Variants in ZPR1 observed in about 807,000 individuals in gnomAD.
ZPR1 encodes zinc finger protein ZPR1.
Under a neutral mutation model 59.6 loss-of-function variants are expected in ZPR1, and 37 were observed. The observed-to-expected ratio is 0.62, with a 90% CI of 0.48 to 0.82. The LOEUF (loss-of-function observed/expected upper bound fraction) is 0.82. Ranked by LOEUF, ZPR1 falls within the 40% of genes least tolerant of loss-of-function variation. The pLI is 0.00. For missense variants in ZPR1, 527 were observed against 579.9 expected, an observed-to-expected ratio of 0.91 and a Z score of 0.94; for synonymous variants, 191 against 215.2, an observed-to-expected ratio of 0.89 and a Z score of 0.99.
intron 4 of ZPR1, 34 bp from the exon 5 acceptor site, chr11:116,785,916 G>A: frequency 6.3e-7 from 1 of 1,588,546 alleles, no homozygotes; most frequent in South Asian, 1.1e-5. Flanking sequence ...ATCAGCCCTG[G>A]TGGTGTACCT....
Position 116,784,617 on chromosome 11 carries a change from C to T in ZPR1, c.821-169G>A, listed in dbSNP as rs566063974. The T allele has an allele frequency of 1.2e-5, 10 of 817,938 alleles. No homozygotes were observed. The South Asian group carries it at 1.4e-4, about 12-fold the overall frequency. 50.7% of individuals were successfully genotyped at this position (817,938 alleles called of 1,614,324 possible). On this transcript the variant is annotated intron_variant, in intron 8 of 13. Coordinates refer to ENST00000227322, the MANE Select transcript of ZPR1 (RefSeq NM_003904.5). ...AAGAGGGCAAGTTCCCAACCCATGG[C>T]AATCCCTGTTCACACATTTGAAGGC...
intron 12 of ZPR1, among the ~76,000 whole-genome samples, chr11:116,781,954 G>A (rs1230233781): frequency 6.6e-6 from 1 of 151,796 alleles, no homozygotes; most frequent in Non-Finnish European, 1.5e-5. Flanking sequence ...AGAGGTTGCA[G>A]TGAGCCGAGA....
At position 116,787,535 on chromosome 11, in the gene ZPR1, C is replaced by T; in HGVS notation, c.280G>A (p.Gly94Ser). The T allele has an allele frequency of 6.2e-7, 1 of 1,614,228 alleles. No individual in the cohort carries two copies. The change falls in exon 2 of 14, where the codon GGC (glycine) becomes AGC (serine). Residue 94 changes from glycine (G) to serine (S), a missense_variant. Coordinates refer to ENST00000227322, the MANE Select transcript of ZPR1 (RefSeq NM_003904.5). ...CGCACTCCCTGGTCCTGGATCCTGC[C>T]TGCCGACTGGATCTCCGTGTTGTTC... is the stretch of plus-strand genomic sequence containing the variant. The part of the protein sequence containing the change: ...GWNNTEIQSA[G>S]RIQDQGVRYT...
intron 13 of ZPR1, 34 bp downstream of exon 13, chr11:116,779,738 A>G: frequency 6.8e-7 from 1 of 1,475,848 alleles, no homozygotes; most frequent in South Asian, 1.2e-5. Context: ...CAGAAAATGT[A>G]TCTCTATGAA....
chr11:116,785,402 G>A (rs1012022119), intron 6 of ZPR1, 112 bp downstream of exon 6: 1 of 1,473,914 alleles, frequency 6.8e-7, no homozygotes, highest in African/African-American at 1.4e-5. Flanking sequence ...GCACAAACAA[G>A]CTGAGATAGG....
rs1591310178 is a variant in ZPR1 at position 116,786,709 on chromosome 11, A to G, written c.425-128T>C. 7 of 801,596 alleles carry G rather than the reference A, an allele frequency of 8.7e-6. No individual in the cohort carries two copies. The East Asian group carries it at 1.9e-4, about 21-fold the overall frequency. 49.7% of individuals were successfully genotyped at this position (801,596 alleles called of 1,614,324 possible). On this transcript the variant is annotated intron_variant, in intron 3 of 13. Coordinates refer to ENST00000227322, the MANE Select transcript of ZPR1 (RefSeq NM_003904.5). Reference sequence around the variant, plus strand: ...TCCTCATCTGTAAAATGAGAAGGCCAGGTGCAAGGTTCCATTCATGTCTGA... The same window carrying G: ...TCCTCATCTGTAAAATGAGAAGGCCGGGTGCAAGGTTCCATTCATGTCTGA...
intron 3 of ZPR1, 32 bp from the exon 4 acceptor site, chr11:116,786,613 T>C: frequency 6.3e-7 from 1 of 1,594,250 alleles, no homozygotes; most frequent in Non-Finnish European, 8.6e-7. Context: ...CAAGTGTGAC[T>C]TAGCCTCAGC....
chr11:116,779,859 G>C (rs1223120533), intron 12 of ZPR1, 22 bp from the exon 13 acceptor site: 1 of 1,343,780 alleles, frequency 7.4e-7, no homozygotes, highest in Non-Finnish European at 1.0e-6. Flanking sequence ...AGAGAACACA[G>C]CAAGTAAATT....
At chr11:116,780,883 A>G (rs947654227) in intron 12 of ZPR1, among the ~76,000 whole-genome samples, 1 of 152,254 alleles carries the variant, frequency 6.6e-6, no homozygotes, top group African/African-American at 2.4e-5. Context: ...GGATGCAAGG[A>G]GAATAAAATG....
intron 4 of ZPR1, 91 bp from the exon 5 acceptor site, chr11:116,785,973 AC>A: frequency 9.0e-7 from 1 of 1,105,080 alleles, no homozygotes; most frequent in Non-Finnish European, 1.4e-6. Flanking sequence ...TTAGGAAGTC[AC>A]CACCTATCTC....
Position 116,785,518 on chromosome 11 carries a change from A to T in ZPR1, c.701T>A (p.Leu234His). 2 of 1,613,866 alleles carry T rather than the reference A, an allele frequency of 1.2e-6. No individual in the cohort carries two copies. The highest frequency in any genetic ancestry group is 1.3e-5 in the African/African-American group (1 of 75,004). ...RTRQQEEMLG[L>H]QEEAPAEKPE... is the part of the protein sequence containing the mutation. ...TGGATCCTTCAGTCCACTTACTTGA[A>T]GCCCCAGCATCTCTTCCTGCTGTCG... Residue 234 changes from leucine to histidine, a missense_variant, in exon 6 of 14, where the codon CTT becomes CAT. Transcript: ENST00000227322.
intron 9 of ZPR1, 141 bp from the exon 10 acceptor site, chr11:116,783,760 C>T (rs1940845162): frequency 6.2e-6 from 4 of 641,572 alleles, no homozygotes; most frequent in South Asian, 6.0e-5. Flanking sequence ...AAACAGCAGT[C>T]GCCCAAACCA....
In ZPR1 at chr11:116,784,881, G is replaced by C; in HGVS notation, c.794C>G (p.Pro265Arg). The C allele has an allele frequency of 6.2e-7, 1 of 1,614,232 alleles. No homozygotes were observed. Among genetic ancestry groups the C allele is most frequent in the Non-Finnish European group, 8.5e-7 (1 of 1,180,042 alleles). Reference sequence around the variant, plus strand: ...TACTAGCTTCATGTTGGTCTGAGCGGGGGCATTGCATTCTGGGCAGTTTGT... The same window carrying C: ...TACTAGCTTCATGTTGGTCTGAGCGCGGGCATTGCATTCTGGGCAGTTTGT... ...FSTNCPECNA[P>R]AQTNMKLVQI... The change falls in exon 8 of 14, where the codon CCC becomes CGC. Residue 265 changes from proline to arginine, a missense_variant. By Grantham distance (103) the Pro-to-Arg change is moderately radical. Coordinates refer to ENST00000227322, the MANE Select transcript of ZPR1 (RefSeq NM_003904.5).
chr11:116,786,648 C>A, intron 3 of ZPR1, 67 bp from the exon 4 acceptor site: 1 of 1,389,512 alleles, frequency 7.2e-7, no homozygotes, highest in South Asian at 1.2e-5. Flanking sequence ...CCTGTATGAC[C>A]CTGGGCAATT....
rs1451998376 is a variant in ZPR1, at chr11:116,785,513, C to T, written c.705+1G>A. 6.2e-7 allele frequency: 1 copy of T among 1,613,868 alleles called. No individual in the cohort carries two copies. The highest frequency in any genetic ancestry group is 1.7e-5 in the Admixed American group (1 of 59,926). On this transcript the variant is annotated splice_donor_variant, in intron 6 of 13. Coordinates refer to ENST00000227322, the MANE Select transcript of ZPR1 (RefSeq NM_003904.5). LOFTEE classifies it high-confidence loss of function. Reference sequence around the variant, plus strand: ...TCTTCTGGATCCTTCAGTCCACTTACTTGAAGCCCCAGCATCTCTTCCTGC... The same window carrying T: ...TCTTCTGGATCCTTCAGTCCACTTATTTGAAGCCCCAGCATCTCTTCCTGC...
At position 116,775,045 on chromosome 11, in the gene ZPR1, T is replaced by C. The variant is rs189416677; in HGVS notation, c.*3880A>G. 33 of 152,392 alleles carry C rather than the reference T, an allele frequency of 2.2e-4. No individual in the cohort carries two copies. The highest frequency in any genetic ancestry group is 7.7e-4 in the African/African-American group (32 of 41,584). The allele number at this position is 152,392 out of a possible 1,614,324, so 9.4% of individuals were successfully genotyped here. A position where few individuals can be genotyped will look rare whatever the true frequency, so the allele number is the denominator to read the frequency against. On this transcript the variant is annotated 3_prime_UTR_variant, in exon 14 of 14. Transcript: ENST00000227322. ...CCGTGCCAATGGCCTGCTCTGAGCT[T>C]TGGCCTCTCTCTGCAGTTGTATCTA... is the stretch of plus-strand genomic sequence containing the variant.
At chr11:116,787,728 C>T in intron 1 of ZPR1, 85 bp from the exon 2 acceptor site, 3 of 1,528,462 alleles carry the variant, frequency 2.0e-6, no homozygotes, top group South Asian at 2.5e-5. Context: ...CCTCGGGGTC[C>T]CCGGCCGGGC....
intron 8 of ZPR1, 82 bp downstream of exon 8, chr11:116,784,772 CT>C: frequency 1.4e-6 from 2 of 1,412,536 alleles, no homozygotes; most frequent in South Asian, 2.4e-5. Context: ...ATGTGTTTTC[CT>C]TGAAAGGGAT....
Position 116,783,628 on chromosome 11 carries a change from A to G in ZPR1, c.892-9T>C, listed in dbSNP as rs755472148. The G allele has an allele frequency of 2.2e-5, 35 of 1,612,980 alleles. No homozygotes were observed. Among genetic ancestry groups the G allele is most frequent in the Non-Finnish European group, 2.4e-5 (28 of 1,179,062 alleles). ...GCTCCTCCAGATTTCACCTGCATCG[A>G]TAACAGTCAGGAGCAACAGAGAGAA... On this transcript the variant is annotated splice_polypyrimidine_tract_variant and intron_variant, in intron 9 of 13. Transcript: ENST00000227322.
Sources: allele counts gnomAD v4.1 joint callset (sites outside exome capture counted in the v4.1 genomes callset), GRCh38; gene constraint gnomAD v4.1.1; transcripts MANE v1.5; gene names NCBI Gene and HGNC (gene_info 2026-07-23, HGNC 2026-07-21).